ACACA: variants seen among roughly 807,000 people sequenced by gnomAD.
ACACA encodes the protein acetyl-CoA carboxylase alpha.
A neutral mutation model predicts 296.1 loss-of-function variants in ACACA; 103 were observed. The observed-to-expected ratio is 0.35, with a 90% CI of 0.30 to 0.41. The LOEUF (loss-of-function observed/expected upper bound fraction) is 0.41, where lower values mean the gene tolerates loss of function less well. Ranked by LOEUF, ACACA falls within the 10% of genes least tolerant of loss-of-function variation. The pLI is 1.00. For synonymous variants in ACACA, 953 were observed against 1,038.6 expected, an observed-to-expected ratio of 0.92 and a Z score of 1.58; for missense variants, 1,554 against 2,989.7, an observed-to-expected ratio of 0.52 and a Z score of 11.20.
chr17:37,095,246 AT>A (rs1211775532), intron 54 of ACACA, among the ~76,000 whole-genome samples: 3 of 152,152 alleles, frequency 2.0e-5, no homozygotes, highest in Admixed American at 2.0e-4. Flanking sequence ...ACAAACTCTT[AT>A]TTTACACTTG....
At chr17:37,089,107 G>T (rs1323285701) in intron 54 of ACACA, 33 bp from the exon 55 acceptor site, 4 of 1,614,044 alleles carry the variant, frequency 2.5e-6, no homozygotes, top group Middle Eastern at 1.7e-4. Context: ...CAAACACCAG[G>T]GGTCAGGCCA....
chr17:37,173,733 C>T (rs1029484685), intron 41 of ACACA, among the ~76,000 whole-genome samples: 13 of 151,112 alleles, frequency 8.6e-5, no homozygotes, highest in African/African-American at 3.2e-4. Flanking sequence ...TAAAACTGAA[C>T]CCCTAATCCC....
In ACACA at chr17:37,205,708, T is replaced by C. The variant is rs998375381; in HGVS notation, c.4056+57A>G. 4.8e-5 allele frequency: 63 copies of C among 1,302,532 alleles called. 1 individual carries two copies. The African/African-American group carries it at 5.8e-4, about 12-fold the overall frequency. The allele number at this position is 1,302,532 out of a possible 1,614,324, so 80.7% of individuals were successfully genotyped here. A position where few individuals can be genotyped will look rare whatever the true frequency, so the allele number is the denominator to read the frequency against. ...CTAGCAACTGATAAAAGGATAGCTA[T>C]GATACACAGCCAGTAGAAAGGGGAC... is the stretch of plus-strand genomic sequence containing the variant. On this transcript the variant is annotated intron_variant, in intron 33 of 55. Transcript: ENST00000616317.
At chr17:37,122,414 G>A in intron 49 of ACACA, 117 bp downstream of exon 49, 6 of 859,578 alleles carry the variant, frequency 7.0e-6, no homozygotes, top group Non-Finnish European at 1.2e-5. Context: ...ATCATTCAAG[G>A]CTGCTGATGC....
intron 1 of ACACA, among the ~76,000 whole-genome samples, chr17:37,398,344 C>T (rs564767089): frequency 8.1e-6 from 1 of 123,680 alleles, no homozygotes; most frequent in Admixed American, 9.8e-5. Context: ...TGGAACGCAA[C>T]GGTGCAATCT....
intron 39 of ACACA, among the ~76,000 whole-genome samples, chr17:37,183,259 G>A (rs1224304406): frequency 1.3e-5 from 2 of 152,136 alleles, no homozygotes; most frequent in Non-Finnish European, 2.9e-5. Flanking sequence ...TGAGGAAGGG[G>A]ATTGGAGAAA....
intron 1 of ACACA, among the ~76,000 whole-genome samples, chr17:37,378,604 C>A (rs529574038): frequency 7.2e-5 from 11 of 152,282 alleles, no homozygotes; most frequent in African/African-American, 2.4e-4. Flanking sequence ...CCCCAGCTAC[C>A]TGGGAGGCTG....
rs2077733486 is a variant in ACACA, at chr17:37,191,111, G to C, written c.4572+9C>G. 3 of 1,613,886 alleles carry C rather than the reference G, an allele frequency of 1.9e-6. No homozygotes were observed. The Admixed American group carries it at 5.0e-5, about 27-fold the overall frequency. On this transcript the variant is annotated intron_variant, in intron 38 of 55. Transcript: ENST00000616317. ...CTAGTGCTGGGAGAGAAGCTAAGGA[G>C]AAATGTACCTTTGATGGGTCCATGA... is the stretch of plus-strand genomic sequence containing the variant.
At chr17:37,156,888 T>C (rs2076274563) in intron 42 of ACACA, among the ~76,000 whole-genome samples, 1 of 152,226 alleles carries the variant, frequency 6.6e-6, no homozygotes, top group Admixed American at 6.5e-5. Context: ...TCTTGCATGA[T>C]TTGTGTTGAG....
At chr17:37,286,397 C>T (rs369141712) in intron 3 of ACACA, among the ~76,000 whole-genome samples, 14 of 152,252 alleles carry the variant, frequency 9.2e-5, no homozygotes, top group Admixed American at 2.6e-4. Context: ...TATTTACTGT[C>T]CTGGTTATTT....
chr17:37,139,130 AAG>A (rs1312169639), intron 45 of ACACA, among the ~76,000 whole-genome samples: 7 of 152,174 alleles, frequency 4.6e-5, no homozygotes, highest in African/African-American at 1.7e-4. Context: ...TATATGTAGA[AAG>A]AGAGACAGGT....
chr17:37,403,830 G>A (rs1289104117), intron 1 of ACACA, among the ~76,000 whole-genome samples: 2 of 152,000 alleles, frequency 1.3e-5, no homozygotes, highest in Non-Finnish European at 2.9e-5. Flanking sequence ...ACAGGCTGGA[G>A]GGCAGTGGTG....
intron 33 of ACACA, among the ~76,000 whole-genome samples, chr17:37,203,005 C>T (rs2078336989): frequency 6.6e-6 from 1 of 151,018 alleles, no homozygotes; most frequent in African/African-American, 2.4e-5. Context: ...GTTCTGTCGC[C>T]AGGCTGGAGT....
intron 45 of ACACA, among the ~76,000 whole-genome samples, chr17:37,146,634 C>T (rs1036700725): frequency 8.1e-6 from 1 of 123,946 alleles, no homozygotes; most frequent in Non-Finnish European, 1.6e-5. Flanking sequence ...GGAGCTGCAG[C>T]GACATGACCT....
chr17:37,273,229 T>C (rs1200744373), intron 9 of ACACA, among the ~76,000 whole-genome samples: 2 of 152,224 alleles, frequency 1.3e-5, no homozygotes, highest in African/African-American at 4.8e-5. Context: ...CAAGTCAAAC[T>C]CAAGCAGTGT....
chr17:37,326,866 AC>A (rs1307397125), intron 3 of ACACA, among the ~76,000 whole-genome samples: 3 of 152,130 alleles, frequency 2.0e-5, no homozygotes, highest in African/African-American at 7.2e-5. Context: ...AAAGTGATTC[AC>A]CCAGTCTTTC....
intron 1 of ACACA, chr17:37,386,200 T>C (rs1241530680): frequency 2.1e-6 from 2 of 967,708 alleles, no homozygotes; most frequent in African/African-American, 3.3e-5. Context: ...GAAACATTTT[T>C]AGCCCCAGCG....
intron 3 of ACACA, among the ~76,000 whole-genome samples, chr17:37,305,892 GT>G (rs1202121523): frequency 1.2e-3 from 159 of 128,740 alleles, no homozygotes; most frequent in Non-Finnish European, 1.4e-3. Flanking sequence ...AATTTTAGCA[GT>G]TTTTTTTTTT....
intron 41 of ACACA, among the ~76,000 whole-genome samples, chr17:37,163,560 C>G (rs1449846752): frequency 1.3e-5 from 2 of 152,186 alleles, no homozygotes; most frequent in Non-Finnish European, 2.9e-5. Flanking sequence ...GTCTCACGGA[C>G]TGTACACTTT....
Sources: gnomAD v4.1 joint callset for allele counts (sites outside exome capture counted in the v4.1 genomes callset) on GRCh38, gnomAD v4.1.1 for gene constraint, MANE v1.5 for transcripts, NCBI Gene and HGNC (gene_info 2026-07-23, HGNC 2026-07-21) for gene names.